Variants in CDK19 observed in about 807,000 individuals in gnomAD.
CDK19 encodes cyclin dependent kinase 19.
CDK19 carries 20 observed loss-of-function variants against 68.3 expected under a neutral mutation model. That is an observed-to-expected ratio of 0.29 (90% confidence interval 0.21 to 0.43). The LOEUF is 0.43. CDK19 is among the 20% of genes least tolerant of loss of function. The pLI is 1.00. For synonymous variants in CDK19, 221 were observed against 222.8 expected (o/e 0.99, Z 0.07); for missense variants, 339 against 623.5 (o/e 0.54, Z 4.86).
intron 1 of CDK19, among the ~76,000 whole-genome samples, chr6:110,783,218 G>A (rs1464982911): frequency 6.6e-6 from 1 of 152,212 alleles, no homozygotes; most frequent in African/African-American, 2.4e-5. Context: ...AGGAACAGCA[G>A]ACAAATATAG....
chr6:110,699,053 C>CAA (rs564638902), intron 2 of CDK19, among the ~76,000 whole-genome samples: 4,104 of 108,682 alleles, frequency 0.038, 97 homozygotes, highest in South Asian at 0.085. Flanking sequence ...GACCCTGTCT[C>CAA]AAAAAAAAAA....
chr6:110,650,922 G>A (rs561368810), intron 4 of CDK19, among the ~76,000 whole-genome samples: 1 of 152,262 alleles, frequency 6.6e-6, no homozygotes, highest in South Asian at 2.1e-4. Flanking sequence ...CAGTTGGGGA[G>A]GACTGCTACT....
intron 2 of CDK19, among the ~76,000 whole-genome samples, chr6:110,678,760 T>G (rs998321192): frequency 2.6e-5 from 4 of 152,238 alleles, no homozygotes; most frequent in Non-Finnish European, 5.9e-5. Context: ...AGTTACCTGA[T>G]TCTGATTCTA....
intron 2 of CDK19, among the ~76,000 whole-genome samples, chr6:110,734,288 G>C (rs1777006964): frequency 6.6e-6 from 1 of 152,088 alleles, no homozygotes; most frequent in Admixed American, 6.6e-5. Flanking sequence ...GGGATTACAG[G>C]CGTGAGCTAC....
chr6:110,634,986 A>C (rs1035201216), intron 5 of CDK19, among the ~76,000 whole-genome samples: 1 of 152,252 alleles, frequency 6.6e-6, no homozygotes, highest in Non-Finnish European at 1.5e-5. Context: ...AAGAGTTTCA[A>C]ACTACTTTTC....
At chr6:110,672,662 T>C (rs10457221) in intron 2 of CDK19, among the ~76,000 whole-genome samples, 7,226 of 152,244 alleles carry the variant, frequency 0.047, 180 homozygotes, top group Middle Eastern at 0.078. Context: ...ATATATTTTA[T>C]CCTCCATTGT....
chr6:110,657,984 A>C (rs1781406704), intron 4 of CDK19, among the ~76,000 whole-genome samples: 1 of 151,818 alleles, frequency 6.6e-6, no homozygotes, highest in Admixed American at 6.6e-5. Flanking sequence ...CTATGAACTC[A>C]GATGATGAAA....
At chr6:110,622,973 G>T in intron 9 of CDK19, 61 bp from the exon 10 acceptor site, 1 of 1,015,338 alleles carries the variant, frequency 9.8e-7, no homozygotes, top group Non-Finnish European at 1.6e-6. Context: ...TCAACACCTT[G>T]TCTTTTGTAT....
intron 1 of CDK19, among the ~76,000 whole-genome samples, chr6:110,800,320 C>A (rs1782261388): frequency 6.6e-6 from 1 of 152,114 alleles, no homozygotes; most frequent in South Asian, 2.1e-4. Context: ...TAAAAGCCTA[C>A]CAACCAAAAA....
rs774904075 is a variant in CDK19 at position 110,706,404 on chromosome 6, G to GTTTTTTTTTTTTTTTTTTTTTTTT, written c.205-35864_205-35863insAAAAAAAAAAAAAAAAAAAAAAAA. The GTTTTTTTTTTTTTTTTTTTTTTTT allele has an allele frequency of 2.8e-5, 2 of 71,064 alleles. 1 individual carries two copies. The allele number at this position is 71,064 out of a possible 1,614,324, so 4.4% of individuals were successfully genotyped here. On this transcript the variant is annotated intron_variant, in intron 2 of 12. Coordinates refer to ENST00000368911, the MANE Select transcript of CDK19 (RefSeq NM_015076.5). ...CAACAGCATGCTGGGTAACACTGTT[G>GTTTTTTTTTTTTTTTTTTTTTTTT]TTTTTTTTTTGTTTGTTTTTTTTTT...
At chr6:110,754,731 TG>T (rs1334615957) in intron 1 of CDK19, among the ~76,000 whole-genome samples, 1 of 152,054 alleles carries the variant, frequency 6.6e-6, no homozygotes, top group Admixed American at 6.5e-5. Context: ...GCACCCGCCT[TG>T]GCTTCCCAAA....
At chr6:110,675,728 A>G (rs1771468116) in intron 2 of CDK19, among the ~76,000 whole-genome samples, 1 of 152,106 alleles carries the variant, frequency 6.6e-6, no homozygotes, top group African/African-American at 2.4e-5. Context: ...TGTTGACAGC[A>G]TGGCTTACCG....
Position 110,626,779 on chromosome 6 carries a change from G to A in CDK19, c.857C>T (p.Thr286Ile). 1 of 1,554,240 alleles carries A rather than the reference G, an allele frequency of 6.4e-7. No homozygotes were observed. Among genetic ancestry groups the A allele is most frequent in the Non-Finnish European group, 8.8e-7 (1 of 1,135,742 alleles). The part of the protein sequence containing the change: ...YPTLQKDFRR[T>I]TYANSSLIKY... ...AAGACTGTGTGGAATTACTTACGTT[G>A]TTCTTCTAAAGTCTTTTTGAAGTGT... The change falls in exon 8 of 13, where the codon ACA becomes ATA. Residue 286 changes from threonine to isoleucine, a missense_variant. Thr to Ile is a moderately conservative substitution (Grantham distance 89). Around this residue, in one of 4 missense-constraint regions of CDK19, gnomAD observed 63 missense variants for 156.5 expected, o/e 0.40. Coordinates refer to ENST00000368911, the MANE Select transcript of CDK19 (RefSeq NM_015076.5).
intron 1 of CDK19, among the ~76,000 whole-genome samples, chr6:110,808,514 C>T (rs1368824828): frequency 6.6e-6 from 1 of 152,140 alleles, no homozygotes; most frequent in Non-Finnish European, 1.5e-5. Context: ...CAGTAAAGCC[C>T]AAAAGGCCTA....
At chr6:110,731,412 AGTG>A (rs1399637480) in intron 2 of CDK19, among the ~76,000 whole-genome samples, 1 of 152,164 alleles carries the variant, frequency 6.6e-6, no homozygotes, top group Non-Finnish European at 1.5e-5. Context: ...GATTTAGATT[AGTG>A]GTTGCCAAGG....
chr6:110,734,519 T>TTA (rs1491136249), intron 2 of CDK19, among the ~76,000 whole-genome samples: 1 of 19,296 alleles, frequency 5.2e-5, no homozygotes, highest in African/African-American at 1.4e-4. Flanking sequence ...GGGTGAGCAC[T>TTA]GCTCTCTCTC....
At chr6:110,772,906 A>AG (rs1175494601) in intron 1 of CDK19, among the ~76,000 whole-genome samples, 3 of 151,318 alleles carry the variant, frequency 2.0e-5, no homozygotes, top group Non-Finnish European at 4.4e-5. Flanking sequence ...AAAAAAAAAA[A>AG]AGAGAGACTC....
At chr6:110,729,519 C>T (rs1308266896) in intron 2 of CDK19, among the ~76,000 whole-genome samples, 1 of 152,118 alleles carries the variant, frequency 6.6e-6, no homozygotes, top group Non-Finnish European at 1.5e-5. Flanking sequence ...ACCTCTGCCT[C>T]CTGGGTTCAA....
At chr6:110,805,611 T>C (rs1782627800) in intron 1 of CDK19, among the ~76,000 whole-genome samples, 1 of 148,938 alleles carries the variant, frequency 6.7e-6, no homozygotes, top group Non-Finnish European at 1.5e-5. Flanking sequence ...GGCCCTCATA[T>C]ACGCAGGTTT....
Sources: allele counts gnomAD v4.1 joint callset (sites outside exome capture counted in the v4.1 genomes callset), GRCh38; gene constraint gnomAD v4.1.1; regional missense constraint gnomAD v4.1.1; transcripts MANE v1.5; gene names NCBI Gene and HGNC (gene_info 2026-07-23, HGNC 2026-07-21).